The following FOXP2 variants were observed in gnomAD, a reference collection of about 807,000 sequenced individuals.
FOXP2 encodes forkhead box P2.
FOXP2 carries 12 observed loss-of-function variants against 115.8 expected under a neutral mutation model. That is an observed-to-expected ratio of 0.10 (90% CI 0.07 to 0.17). The LOEUF (loss-of-function observed/expected upper bound fraction) is 0.17, where lower values mean the gene tolerates loss of function less well. FOXP2 is among the 10% of genes least tolerant of loss of function. FOXP2 has a pLI of 1.00. For synonymous variants in FOXP2, 328 were observed against 297.7 expected (o/e 1.10, Z -1.05); for missense variants, 629 against 843.5 (o/e 0.75, Z 3.15).
At chr7:114,463,155 A>T in intron 2 of FOXP2, 1 of 360,998 alleles carries the variant, frequency 2.8e-6, no homozygotes. Flanking sequence ...CAGCCTCTGA[A>T]GTAGCTAGGA....
intron 3 of FOXP2, among the ~76,000 whole-genome samples, chr7:114,617,448 A>T (rs2129321344): frequency 6.6e-6 from 1 of 152,348 alleles, no homozygotes; most frequent in African/African-American, 2.4e-5. Flanking sequence ...AAATCTGATC[A>T]TATCAATGTT....
intron 2 of FOXP2, among the ~76,000 whole-genome samples, chr7:114,390,307 G>C (rs1039430073): frequency 5.9e-5 from 9 of 151,860 alleles, no homozygotes; most frequent in Non-Finnish European, 1.0e-4. Context: ...ACCACCTACT[G>C]GGTAGTTTAC....
chr7:114,449,558 A>G (rs1468730636), intron 2 of FOXP2, among the ~76,000 whole-genome samples: 1 of 152,062 alleles, frequency 6.6e-6, no homozygotes, highest in Non-Finnish European at 1.5e-5. Context: ...TGGATGGGTC[A>G]TTCTGTGAAC....
At chr7:114,441,863 G>A (rs959412589) in intron 2 of FOXP2, among the ~76,000 whole-genome samples, 2 of 152,160 alleles carry the variant, frequency 1.3e-5, no homozygotes, top group African/African-American at 4.8e-5. Flanking sequence ...GCAATAACAA[G>A]TGTTGACAAG....
chr7:114,643,011 C>T (rs1805665716), intron 7 of FOXP2, among the ~76,000 whole-genome samples: 1 of 150,900 alleles, frequency 6.6e-6, no homozygotes, highest in African/African-American at 2.4e-5. Context: ...CGGGGTTTCA[C>T]CATGTTAGCC....
At chr7:114,655,894 A>G (rs1806560492) in intron 10 of FOXP2, among the ~76,000 whole-genome samples, 1 of 152,162 alleles carries the variant, frequency 6.6e-6, no homozygotes, top group Non-Finnish European at 1.5e-5. Context: ...TGGATGGATG[A>G]AAATCAAAGT....
Position 114,693,326 on chromosome 7 carries a change from A to G in FOXP2, c.*3400A>G, listed in dbSNP as rs574843394. 45 of 453,646 alleles carry G rather than the reference A, an allele frequency of 9.9e-5. No homozygotes were observed. The highest frequency in any genetic ancestry group is 6.8e-4 in the South Asian group (44 of 64,402). The allele number at this position is 453,646 out of a possible 1,614,324, so 28.1% of individuals were successfully genotyped here. On this transcript the variant is annotated 3_prime_UTR_variant, in exon 17 of 17. Transcript: ENST00000350908. ...GGAATCGAAGAATAGTCAGCTAGGAATAGAGCTACAGAAGTACACTTACAT... is the reference window on the plus strand; with the variant it reads ...GGAATCGAAGAATAGTCAGCTAGGAGTAGAGCTACAGAAGTACACTTACAT...
At chr7:114,230,768 C>T (rs1043939630) in intron 1 of FOXP2, among the ~76,000 whole-genome samples, 1 of 151,974 alleles carries the variant, frequency 6.6e-6, no homozygotes, top group African/African-American at 2.4e-5. Flanking sequence ...TAATATCATA[C>T]TCCATATTGA....
Position 114,220,157 on chromosome 7 carries a change from T to C in FOXP2, c.-102+57069T>C, listed in dbSNP as rs550007429. ...GTGCTGGGATTAGAGCCACCGTTCCTGGCCCTGTGAGGGTTTTTAAAAGGC... is the reference window on the plus strand; with the variant it reads ...GTGCTGGGATTAGAGCCACCGTTCCCGGCCCTGTGAGGGTTTTTAAAAGGC... On this transcript the variant is annotated intron_variant, in intron 1 of 17. Coordinates refer to the FOXP2 transcript ENST00000634411. 2.6e-5 allele frequency among the ~76,000 whole-genome samples: 4 copies of C among 152,006 alleles called. No individual in the cohort carries two copies. In the East Asian group the frequency reaches 5.8e-4, roughly 22 times the overall value.
intron 3 of FOXP2, among the ~76,000 whole-genome samples, chr7:114,562,721 A>G (rs937573110): frequency 2.0e-5 from 3 of 152,080 alleles, no homozygotes; most frequent in African/African-American, 7.2e-5. Context: ...AATTAAACAA[A>G]ATCACATTCA....
At chr7:114,631,452 T>C in intron 5 of FOXP2, 76 bp from the exon 6 acceptor site, 1 of 1,547,198 alleles carries the variant, frequency 6.5e-7, no homozygotes, top group South Asian at 1.2e-5. Context: ...GAAAGGAGTG[T>C]GCATTTCCCT....
At chr7:114,474,495 CGTT>C (rs1376287378) in intron 2 of FOXP2, among the ~76,000 whole-genome samples, 1 of 152,078 alleles carries the variant, frequency 6.6e-6, no homozygotes, top group Non-Finnish European at 1.5e-5. Context: ...CTATTATTCT[CGTT>C]GTAAACCAGT....
At chr7:114,510,732 A>T (rs892623851) in intron 2 of FOXP2, among the ~76,000 whole-genome samples, 1 of 152,210 alleles carries the variant, frequency 6.6e-6, no homozygotes, top group African/African-American at 2.4e-5. Flanking sequence ...ATGTGGAGAA[A>T]TAGGAATGCT....
At chr7:114,568,773 T>G (rs1801147526) in intron 3 of FOXP2, among the ~76,000 whole-genome samples, 1 of 152,036 alleles carries the variant, frequency 6.6e-6, no homozygotes, top group East Asian at 1.9e-4. Context: ...AACTGTATGC[T>G]TTTATTCCAT....
chr7:114,507,162 C>A (rs10279936), intron 2 of FOXP2, among the ~76,000 whole-genome samples: 69,250 of 151,382 alleles, frequency 0.46, 15,990 homozygotes, highest in Admixed American at 0.52. Context: ...CCTACCCCCC[C>A]CAAATAAACC....
In FOXP2 at chr7:114,352,209, A is replaced by G. The variant is rs189389679; in HGVS notation, c.-11+64100A>G. On this transcript the variant is annotated intron_variant, in intron 2 of 17. Coordinates refer to the FOXP2 transcript ENST00000634411. Reference sequence around the variant, plus strand: ...CTGAGCCTGGGAGGTCAAGACTACAATGAGCCATGGTCACACCACTGCAGT... The same window carrying G: ...CTGAGCCTGGGAGGTCAAGACTACAGTGAGCCATGGTCACACCACTGCAGT... Among the ~76,000 whole-genome samples the G allele has an allele frequency of 7.2e-5, 11 of 152,178 alleles. No individual in the cohort carries two copies. In the East Asian group the frequency reaches 9.7e-4, roughly 13 times the overall value.
At chr7:114,104,711 A>G (rs1791068656) in intron 1 of FOXP2, among the ~76,000 whole-genome samples, 3 of 152,028 alleles carry the variant, frequency 2.0e-5, no homozygotes, top group Admixed American at 1.3e-4. Flanking sequence ...TTGATGTGGC[A>G]GTTGTATTCT....
chr7:114,420,044 C>G (rs1261935260), intron 1 of FOXP2, among the ~76,000 whole-genome samples: 3 of 151,784 alleles, frequency 2.0e-5, no homozygotes, highest in African/African-American at 7.3e-5. Context: ...AATGAGGATC[C>G]GTGGAAGAGC....
At chr7:114,441,878 T>A (rs1218156703) in intron 2 of FOXP2, among the ~76,000 whole-genome samples, 1 of 152,152 alleles carries the variant, frequency 6.6e-6, no homozygotes, top group Non-Finnish European at 1.5e-5. Flanking sequence ...GACAAGAACA[T>A]GGAGAAACAG....
Sources: gnomAD v4.1 joint callset for allele counts (sites outside exome capture counted in the v4.1 genomes callset) on GRCh38, gnomAD v4.1.1 for gene constraint, MANE v1.5 for transcripts, NCBI Gene and HGNC (gene_info 2026-07-23, HGNC 2026-07-21) for gene names.